Variants in BMPR1B observed in about 807,000 individuals in gnomAD.
BMPR1B encodes the protein bone morphogenetic protein receptor type 1B, also known as bone morphogenetic protein receptor type-1B.
BMPR1B carries 12 observed loss-of-function variants against 59.1 expected under a neutral mutation model. The ratio of observed to expected loss-of-function variants is 0.20; its 90% CI spans 0.13 to 0.33. BMPR1B has a LOEUF of 0.33. BMPR1B is among the 10% of genes least tolerant of loss of function. The probability of loss-of-function intolerance (pLI) is 1.00; values close to 1 mark genes in which losing one functional copy is unlikely to be tolerated. For missense variants in BMPR1B, 550 were observed against 610.9 expected (o/e 0.90, Z 1.05); for synonymous variants, 237 against 207.3 (o/e 1.14, Z -1.23).
At chr4:95,066,663 T>TA (rs1727828812) in intron 3 of BMPR1B, among the ~76,000 whole-genome samples, 1 of 152,200 alleles carries the variant, frequency 6.6e-6, no homozygotes. Flanking sequence ...TTTGACTAGA[T>TA]AATACTTTTC....
chr4:95,109,397 C>T (rs1000916891), intron 4 of BMPR1B, among the ~76,000 whole-genome samples: 1 of 152,002 alleles, frequency 6.6e-6, no homozygotes, highest in Non-Finnish European at 1.5e-5. Context: ...GGGGCTGGAG[C>T]CTTTTTACAA....
intron 2 of BMPR1B, among the ~76,000 whole-genome samples, chr4:94,977,010 G>T (rs1251875576): frequency 1.3e-5 from 2 of 152,090 alleles, no homozygotes; most frequent in Non-Finnish European, 2.9e-5. Flanking sequence ...GTGTCCAGAG[G>T]TCACTTTTAA....
intron 2 of BMPR1B, among the ~76,000 whole-genome samples, chr4:94,906,916 A>G (rs948898692): frequency 3.3e-5 from 5 of 152,050 alleles, no homozygotes; most frequent in African/African-American, 9.7e-5. Context: ...TATAACTATT[A>G]TAATTGAGTT....
chr4:95,096,712 G>T (rs866653261), intron 3 of BMPR1B, among the ~76,000 whole-genome samples: 3 of 100,750 alleles, frequency 3.0e-5, no homozygotes, highest in South Asian at 3.7e-4. Context: ...TAATTATATA[G>T]AGGCATATAT....
chr4:95,085,100 A>G (rs1729477245), intron 3 of BMPR1B, among the ~76,000 whole-genome samples: 1 of 152,122 alleles, frequency 6.6e-6, no homozygotes, highest in African/African-American at 2.4e-5. Flanking sequence ...TTTCTTCCCC[A>G]TACACTCATT....
intron 3 of BMPR1B, among the ~76,000 whole-genome samples, chr4:95,049,802 A>T (rs1203084657): frequency 2.0e-5 from 3 of 151,466 alleles, no homozygotes; most frequent in African/African-American, 7.3e-5. Flanking sequence ...AATGTCTTAC[A>T]TTTTTTCTTA....
At chr4:95,046,068 G>A (rs1726037951) in intron 3 of BMPR1B, among the ~76,000 whole-genome samples, 1 of 151,992 alleles carries the variant, frequency 6.6e-6, no homozygotes, top group Admixed American at 6.6e-5. Flanking sequence ...AGTTTTTCAG[G>A]TATAATTTGA....
chr4:95,150,711 G>T (rs1272345243), intron 11 of BMPR1B, among the ~76,000 whole-genome samples: 2 of 152,128 alleles, frequency 1.3e-5, no homozygotes, highest in Non-Finnish European at 2.9e-5. Flanking sequence ...CTGTGCTAGG[G>T]TATTAATTTG....
intron 2 of BMPR1B, among the ~76,000 whole-genome samples, chr4:94,880,929 T>C (rs1232805047): frequency 3.3e-5 from 5 of 152,080 alleles, no homozygotes; most frequent in African/African-American, 1.2e-4. Flanking sequence ...AGCCACTGGG[T>C]CCAGCCCTAA....
At chr4:95,031,331 G>A (rs1724836185) in intron 3 of BMPR1B, among the ~76,000 whole-genome samples, 1 of 152,180 alleles carries the variant, frequency 6.6e-6, no homozygotes, top group African/African-American at 2.4e-5. Flanking sequence ...GTGATCGGGA[G>A]TGGAATGACA....
intron 1 of BMPR1B, among the ~76,000 whole-genome samples, chr4:94,758,491 C>G (rs946406747): frequency 1.3e-5 from 2 of 151,740 alleles, no homozygotes; most frequent in Admixed American, 1.3e-4. Flanking sequence ...GAGCTGAGGG[C>G]AGTCGCGGAA....
At chr4:94,902,191 A>G (rs1727844590) in intron 2 of BMPR1B, among the ~76,000 whole-genome samples, 1 of 144,178 alleles carries the variant, frequency 6.9e-6, no homozygotes, top group Non-Finnish European at 1.5e-5. Context: ...AATTATATTT[A>G]TACCTGTATC....
At chr4:94,882,290 G>A (rs1219916252) in intron 2 of BMPR1B, among the ~76,000 whole-genome samples, 2 of 152,160 alleles carry the variant, frequency 1.3e-5, no homozygotes, top group Non-Finnish European at 2.9e-5. Flanking sequence ...TAGGATGCAA[G>A]AACAATTCTT....
intron 4 of BMPR1B, among the ~76,000 whole-genome samples, chr4:95,106,939 A>G (rs1418871760): frequency 6.9e-6 from 1 of 145,312 alleles, no homozygotes; most frequent in Non-Finnish European, 1.5e-5. Context: ...TTTTTTTTTT[A>G]TTTTGGATCA....
At chr4:95,084,156 G>T (rs1011374762) in intron 3 of BMPR1B, among the ~76,000 whole-genome samples, 3 of 151,226 alleles carry the variant, frequency 2.0e-5, no homozygotes, top group African/African-American at 7.3e-5. Context: ...CCTGAAATTA[G>T]GTTAAATCAG....
At chr4:94,796,136 T>C (rs1383263568) in intron 1 of BMPR1B, among the ~76,000 whole-genome samples, 1 of 152,070 alleles carries the variant, frequency 6.6e-6, no homozygotes, top group Non-Finnish European at 1.5e-5. Context: ...AGCTACTTTT[T>C]GTATTTTCAC....
intron 2 of BMPR1B, among the ~76,000 whole-genome samples, chr4:94,970,294 CTCTTCTCT>C (rs1730730574): frequency 9.2e-6 from 1 of 108,416 alleles, no homozygotes; most frequent in Non-Finnish European, 2.1e-5. Context: ...CTCTTCTCTT[CTCTTCTCT>C]TCTTTCTCTC....
At chr4:95,030,490 A>G (rs1724754066) in intron 3 of BMPR1B, among the ~76,000 whole-genome samples, 3 of 152,064 alleles carry the variant, frequency 2.0e-5, no homozygotes, top group Admixed American at 2.0e-4. Flanking sequence ...CACCACTCCT[A>G]TTCAACATAG....
intron 1 of BMPR1B, among the ~76,000 whole-genome samples, chr4:94,788,277 G>A (rs184883474): frequency 9.9e-5 from 15 of 152,282 alleles, no homozygotes; most frequent in African/African-American, 3.6e-4. Context: ...CAGGCATAAA[G>A]AAGCATTGGT....
Sources: allele counts gnomAD v4.1 joint callset (sites outside exome capture counted in the v4.1 genomes callset), GRCh38; gene constraint gnomAD v4.1.1; transcripts MANE v1.5; gene names NCBI Gene and HGNC (gene_info 2026-07-23, HGNC 2026-07-21).